The following LNPK variants were observed in gnomAD, a reference collection of about 807,000 sequenced individuals.
The protein encoded by LNPK is lunapark, ER junction formation factor, also known as endoplasmic reticulum junction formation protein lunapark.
Under a neutral mutation model 55.2 loss-of-function variants are expected in LNPK, and 29 were observed. That is an observed-to-expected ratio of 0.53 (90% CI 0.39 to 0.72). LNPK has a LOEUF of 0.72. Ranked by LOEUF, LNPK falls within the 30% of genes least tolerant of loss-of-function variation. LNPK has a pLI of 0.00. For missense variants in LNPK, 467 were observed against 494.8 expected, an observed-to-expected ratio of 0.94 and a Z score of 0.53; for synonymous variants, 162 against 168.2, an observed-to-expected ratio of 0.96 and a Z score of 0.29.
At chr2:175,948,002 A>C (rs191812600) in intron 8 of LNPK, among the ~76,000 whole-genome samples, 25 of 152,302 alleles carry the variant, frequency 1.6e-4, no homozygotes, top group Non-Finnish European at 3.4e-4. Context: ...AATCTTCCTC[A>C]TCATAATAAA....
intron 6 of LNPK, among the ~76,000 whole-genome samples, chr2:175,968,624 TATA>T (rs568711114): frequency 2.0e-5 from 3 of 152,214 alleles, no homozygotes; most frequent in Non-Finnish European, 4.4e-5. Context: ...TTCCTAACTT[TATA>T]ATAATAATAC....
intron 8 of LNPK, 70 bp from the exon 9 acceptor site, chr2:175,947,762 ATATT>A (rs1164358920): frequency 1.3e-5 from 15 of 1,111,994 alleles, no homozygotes; most frequent in Admixed American, 5.2e-5. Context: ...CAAACAATTT[ATATT>A]TATTAAAATT....
At position 175,993,844 on chromosome 2, in the gene LNPK, C is replaced by CA. The variant is rs565861984; in HGVS notation, c.28-622dup. Among the ~76,000 whole-genome samples the CA allele has an allele frequency of 3.5e-3, 534 of 151,444 alleles. 2 individuals carry two copies. The highest frequency in any genetic ancestry group is 0.012 in the African/African-American group (489 of 41,300). On this transcript the variant is annotated intron_variant, in intron 2 of 12. Transcript: ENST00000272748. ...AATTTAAAAAACACACGTTTTCCTC[C>CA]AAAAAAAATTCTTAGGAATGATTAC...
Position 175,924,099 on chromosome 2 carries a change from G to C in LNPK, c.*5868C>G, listed in dbSNP as rs1209539438. ...ACCAATTCACAATCATCTCTACCTT[G>C]GTTCATCTTTACACAAGTACTTGAA... On this transcript the variant is annotated 3_prime_UTR_variant, in exon 13 of 13. Coordinates refer to ENST00000272748, the MANE Select transcript of LNPK (RefSeq NM_030650.3). 6.6e-6 allele frequency: 1 copy of C among 152,028 alleles called. No homozygotes were observed. The highest frequency in any genetic ancestry group is 2.4e-5 in the African/African-American group (1 of 41,400). The allele number at this position is 152,028 out of a possible 1,614,324, so 9.4% of individuals were successfully genotyped here.
intron 1 of LNPK, among the ~76,000 whole-genome samples, 199 bp from the exon 2 acceptor site, chr2:175,995,845 T>C (rs1463032018): frequency 8.7e-6 from 1 of 114,614 alleles, no homozygotes; most frequent in African/African-American, 3.2e-5. Flanking sequence ...ATGGAGACTC[T>C]CTGTGTTGCC....
rs766367854 is a variant in LNPK at position 175,986,745 on chromosome 2, TA to T, written c.257+5485del. On this transcript the variant is annotated intron_variant, in intron 4 of 12. Coordinates refer to ENST00000272748, the MANE Select transcript of LNPK (RefSeq NM_030650.3). ...ACAACATTCAACAACCTTTCTTGAT[TA>T]AAAAAAACTAAATACAGTAAGAACA... 1.6e-4 allele frequency among the ~76,000 whole-genome samples: 24 copies of T among 151,874 alleles called. No homozygotes were observed. In the East Asian group the frequency reaches 3.1e-3, roughly 20 times the overall value.
intron 9 of LNPK, among the ~76,000 whole-genome samples, chr2:175,940,240 G>C (rs960056438): frequency 6.6e-6 from 1 of 151,840 alleles, no homozygotes; most frequent in Non-Finnish European, 1.5e-5. Context: ...CAGATGAAAT[G>C]TAGCAGACTC....
intron 5 of LNPK, among the ~76,000 whole-genome samples, chr2:175,973,204 TC>T (rs1686741675): frequency 6.6e-6 from 1 of 152,172 alleles, no homozygotes; most frequent in South Asian, 2.1e-4. Context: ...CCAAAGCCAG[TC>T]AGTATTCAAA....
At chr2:175,973,479 T>C (rs1318196335) in intron 5 of LNPK, among the ~76,000 whole-genome samples, 2 of 152,216 alleles carry the variant, frequency 1.3e-5, no homozygotes, top group Non-Finnish European at 2.9e-5. Flanking sequence ...TGAATAACCA[T>C]AGACTGTAAA....
chr2:175,983,393 A>T (rs538951575), intron 4 of LNPK, among the ~76,000 whole-genome samples: 36 of 152,334 alleles, frequency 2.4e-4, no homozygotes, highest in African/African-American at 8.4e-4. Flanking sequence ...ATCATAAGGA[A>T]AATTCTAGTT....
intron 2 of LNPK, 147 bp from the exon 3 acceptor site, chr2:175,993,370 T>G: frequency 2.0e-6 from 1 of 499,328 alleles, no homozygotes; most frequent in Non-Finnish European, 3.5e-6. Context: ...TAAGATTTAT[T>G]TAAATAAAAA....
intron 9 of LNPK, chr2:175,940,962 T>C (rs1684808134): frequency 2.2e-6 from 1 of 454,128 alleles, no homozygotes; most frequent in Non-Finnish European, 4.4e-6. Flanking sequence ...CCATACAAAA[T>C]GACAACCAGG....
rs986215007 is a variant in LNPK at position 175,929,596 on chromosome 2, C to T, written c.*371G>A. On this transcript the variant is annotated 3_prime_UTR_variant, in exon 13 of 13. Transcript: ENST00000272748. ...CAAGTTTCATTCCTTAAAACAAACA[C>T]AATTAGAGAACTTACTCTTAACCAA... The T allele has an allele frequency of 9.9e-6, 10 of 1,010,000 alleles. No individual in the cohort carries two copies. The South Asian group carries it at 3.1e-4, about 31-fold the overall frequency. The allele number at this position is 1,010,000 out of a possible 1,614,324, so 62.6% of individuals were successfully genotyped here.
chr2:175,939,492 TAC>T (rs138833018), intron 10 of LNPK, 58 bp downstream of exon 10: 4,449 of 856,938 alleles, frequency 5.2e-3, no homozygotes, highest in South Asian at 0.011. Flanking sequence ...ATCTAGTGTG[TAC>T]ACACACACAC....
chr2:175,951,423 G>A (rs1401742440), intron 8 of LNPK, among the ~76,000 whole-genome samples: 1 of 151,416 alleles, frequency 6.6e-6, no homozygotes, highest in Non-Finnish European at 1.5e-5. Context: ...TTATGCCTTT[G>A]CACCCTCACA....
chr2:175,993,944 A>G (rs1446603064), intron 2 of LNPK, among the ~76,000 whole-genome samples: 1 of 152,244 alleles, frequency 6.6e-6, no homozygotes, highest in East Asian at 1.9e-4. Context: ...AGTTCACTTA[A>G]GACTCTGGAG....
intron 8 of LNPK, among the ~76,000 whole-genome samples, chr2:175,952,510 T>C (rs1685474250): frequency 6.6e-6 from 1 of 152,046 alleles, no homozygotes; most frequent in Non-Finnish European, 1.5e-5. Context: ...TTCCTTCTAC[T>C]TTCAAAACTT....
intron 9 of LNPK, chr2:175,940,973 C>T (rs955995595): frequency 1.1e-4 from 51 of 454,152 alleles, no homozygotes; most frequent in Non-Finnish European, 1.9e-4. Context: ...GACAACCAGG[C>T]GCAGTAGCTC....
intron 5 of LNPK, among the ~76,000 whole-genome samples, chr2:175,977,694 G>A (rs1383556642): frequency 3.9e-5 from 6 of 152,078 alleles, no homozygotes; most frequent in Admixed American, 2.0e-4. Context: ...AAAAATGGTG[G>A]AAACAAAACC....
Sources: gnomAD v4.1 joint callset for allele counts (sites outside exome capture counted in the v4.1 genomes callset) on GRCh38, gnomAD v4.1.1 for gene constraint, MANE v1.5 for transcripts, NCBI Gene and HGNC (gene_info 2026-07-23, HGNC 2026-07-21) for gene names.